GLIS3: variants seen among roughly 807,000 people sequenced by gnomAD.
The protein encoded by GLIS3 is zinc finger protein GLIS3.
A neutral mutation model predicts 78.6 loss-of-function variants in GLIS3; 53 were observed. The ratio of observed to expected loss-of-function variants is 0.67; its 90% CI spans 0.54 to 0.85. The LOEUF (loss-of-function observed/expected upper bound fraction) is 0.85. Among genes scored for constraint, GLIS3 ranks in the 40% least tolerant of loss-of-function variants. The probability of loss-of-function intolerance (pLI) is 0.00; values close to 1 mark genes in which losing one functional copy is unlikely to be tolerated. For synonymous variants in GLIS3, 684 were observed against 509.9 expected, an observed-to-expected ratio of 1.34 and a Z score of -4.60; for missense variants, 1,703 against 1,231.1, an observed-to-expected ratio of 1.38 and a Z score of -5.74.
At chr9:4,161,059 T>C (rs2131082457) in intron 2 of GLIS3, among the ~76,000 whole-genome samples, 1 of 141,300 alleles carries the variant, frequency 7.1e-6, no homozygotes, top group East Asian at 2.1e-4. Context: ...GCCTGGGAAA[T>C]GTAGTGAGAC....
intron 6 of GLIS3, among the ~76,000 whole-genome samples, chr9:3,903,389 G>T (rs916110326): frequency 6.6e-6 from 1 of 152,288 alleles, no homozygotes; most frequent in South Asian, 2.1e-4. Context: ...TGCTCTTTGC[G>T]GAGAAAAGTG....
intron 2 of GLIS3, among the ~76,000 whole-genome samples, chr9:4,182,442 T>C (rs151185281): frequency 3.4e-4 from 52 of 152,276 alleles, no homozygotes; most frequent in African/African-American, 1.1e-3. Context: ...ACACTATGTA[T>C]AGAAAACCTG....
chr9:3,954,839 A>G (rs1356289137), intron 4 of GLIS3, among the ~76,000 whole-genome samples: 2 of 152,250 alleles, frequency 1.3e-5, no homozygotes, highest in African/African-American at 2.4e-5. Flanking sequence ...ATAAAGTAAA[A>G]GAGGATGAAG....
At chr9:4,458,696 G>A in the GLIS3 span, among the ~76,000 whole-genome samples, 1 of 152,302 alleles carries the variant, frequency 6.6e-6, no homozygotes, top group East Asian at 1.9e-4. Flanking sequence ...TACTCGGGAG[G>A]CTGAGGCAGG....
At chr9:4,178,907 G>T (rs1817034288) in intron 2 of GLIS3, among the ~76,000 whole-genome samples, 1 of 151,950 alleles carries the variant, frequency 6.6e-6, no homozygotes, top group Admixed American at 6.6e-5. Flanking sequence ...TTTGAAGAAG[G>T]GGTTTTATTA....
chr9:4,098,549 T>C (rs1362811884), intron 4 of GLIS3, among the ~76,000 whole-genome samples: 1 of 152,198 alleles, frequency 6.6e-6, no homozygotes, highest in Non-Finnish European at 1.5e-5. Flanking sequence ...ATTAATTGGA[T>C]GGGAACTAAG....
At chr9:4,466,309 T>A in the GLIS3 span, among the ~76,000 whole-genome samples, 1,350 of 152,324 alleles carry the variant, frequency 8.9e-3, 12 homozygotes, top group African/African-American at 0.03. Context: ...AAATTCATAG[T>A]TGACAGCTTT....
At chr9:4,364,034 T>C in the GLIS3 span, among the ~76,000 whole-genome samples, 12 of 152,310 alleles carry the variant, frequency 7.9e-5, no homozygotes, top group East Asian at 2.3e-3. Context: ...TAGCATATAA[T>C]CCCTATAGAG....
chr9:4,237,802 C>A (rs561234613), intron 2 of GLIS3, among the ~76,000 whole-genome samples: 5 of 152,258 alleles, frequency 3.3e-5, no homozygotes, highest in East Asian at 3.9e-4. Flanking sequence ...TTCTCTCTTC[C>A]TGTTTTGGGA....
At chr9:4,289,239 C>T (rs1828251302) in intron 1 of GLIS3, among the ~76,000 whole-genome samples, 2 of 152,128 alleles carry the variant, frequency 1.3e-5, no homozygotes, top group Admixed American at 1.3e-4. Context: ...TTCATTACGG[C>T]CTCTTGAAAT....
intron 2 of GLIS3, among the ~76,000 whole-genome samples, chr9:4,221,928 T>C (rs1821362371): frequency 1.3e-5 from 2 of 152,136 alleles, no homozygotes; most frequent in Non-Finnish European, 2.9e-5. Flanking sequence ...TATTTAAGAG[T>C]CTGGGCTCCA....
chr9:3,964,868 T>TA (rs1224144202), intron 4 of GLIS3, among the ~76,000 whole-genome samples: 1 of 152,168 alleles, frequency 6.6e-6, no homozygotes, highest in Non-Finnish European at 1.5e-5. Flanking sequence ...AAGGTTATCT[T>TA]AAAGAGAAAA....
chr9:4,094,128 T>C (rs1588657727), intron 4 of GLIS3, among the ~76,000 whole-genome samples: 1 of 152,070 alleles, frequency 6.6e-6, no homozygotes, highest in East Asian at 1.9e-4. Context: ...AAATACCTGA[T>C]GATAGACAGA....
At chr9:4,372,715 T>A in the GLIS3 span, among the ~76,000 whole-genome samples, 1 of 152,212 alleles carries the variant, frequency 6.6e-6, no homozygotes, top group Non-Finnish European at 1.5e-5. Context: ...CTTAAATACA[T>A]GATTTTCCTA....
At chr9:4,238,086 C>A (rs1021399709) in intron 2 of GLIS3, among the ~76,000 whole-genome samples, 1 of 152,176 alleles carries the variant, frequency 6.6e-6, no homozygotes, top group Non-Finnish European at 1.5e-5. Context: ...TACCAGTGAG[C>A]ACAAAGTCAG....
the GLIS3 span, among the ~76,000 whole-genome samples, chr9:4,442,901 A>T: frequency 6.6e-6 from 1 of 152,218 alleles, no homozygotes; most frequent in Middle Eastern, 3.4e-3. Context: ...ACACAAGCTC[A>T]TAAGAAGAGT....
intron 4 of GLIS3, among the ~76,000 whole-genome samples, chr9:3,954,919 A>G (rs1816987963): frequency 6.6e-6 from 1 of 152,252 alleles, no homozygotes; most frequent in Admixed American, 6.5e-5. Flanking sequence ...TCCAAAATGC[A>G]TGACAATTCA....
chr9:3,840,020 G>C (rs1235071803), intron 9 of GLIS3, among the ~76,000 whole-genome samples: 1 of 152,154 alleles, frequency 6.6e-6, no homozygotes, highest in East Asian at 1.9e-4. Flanking sequence ...CTGAATCCCA[G>C]ATGACCCATT....
At chr9:4,323,817 C>T (rs746378764) in intron 2 of GLIS3, among the ~76,000 whole-genome samples, 4 of 152,234 alleles carry the variant, frequency 2.6e-5, no homozygotes, top group Admixed American at 6.5e-5. Context: ...ATCATAGGGG[C>T]GCAGCAGAAG....
Sources: allele counts gnomAD v4.1 joint callset (sites outside exome capture counted in the v4.1 genomes callset), GRCh38; gene constraint gnomAD v4.1.1; transcripts MANE v1.5; gene names NCBI Gene and HGNC (gene_info 2026-07-23, HGNC 2026-07-21).